Variants in EMC3 observed in about 807,000 individuals in gnomAD.
EMC3 encodes 30 kDa protein.
Under a neutral mutation model 36.6 loss-of-function variants are expected in EMC3, and 13 were observed. The ratio of observed to expected loss-of-function variants is 0.35; its 90% CI spans 0.23 to 0.56. EMC3 has a LOEUF of 0.56. Among genes scored for constraint, EMC3 ranks in the 20% least tolerant of loss-of-function variants. The probability of loss-of-function intolerance (pLI) is 0.84; values close to 1 mark genes in which losing one functional copy is unlikely to be tolerated. For missense variants in EMC3, 220 were observed against 324.5 expected, an observed-to-expected ratio of 0.68 and a Z score of 2.47; for synonymous variants, 120 against 111.9, an observed-to-expected ratio of 1.07 and a Z score of -0.46.
rs2085701254 is a variant in EMC3, at chr3:9,962,860, C to T, written c.*1209G>A. On this transcript the variant is annotated 3_prime_UTR_variant, in exon 8 of 8. Coordinates refer to ENST00000245046, the MANE Select transcript of EMC3 (RefSeq NM_001394674.1). ...TTATCTGTGTGTCTACCAACAACTG[C>T]CGTCTCTCCCTTCTTACAGCAATAT... 1 of 152,172 alleles carries T rather than the reference C, an allele frequency of 6.6e-6. No individual in the cohort carries two copies. The highest frequency in any genetic ancestry group is 2.4e-5 in the African/African-American group (1 of 41,440). The allele number at this position is 152,172 out of a possible 1,614,324, so 9.4% of individuals were successfully genotyped here.
chr3:9,991,575 G>T (rs138213792), upstream of EMC3, among the ~76,000 whole-genome samples: 280 of 152,210 alleles, frequency 1.8e-3, 4 homozygotes, highest in South Asian at 0.019. Flanking sequence ...GAGTGCAGTG[G>T]CACAATCGTA....
chr3:9,990,617 C>A (rs932301920), upstream of EMC3, among the ~76,000 whole-genome samples: 1 of 152,022 alleles, frequency 6.6e-6, no homozygotes, highest in Non-Finnish European at 1.5e-5. Flanking sequence ...TGAAGCAAAT[C>A]TCCTGCCTCA....
At chr3:9,989,716 A>C (rs1193573454), upstream of EMC3, among the ~76,000 whole-genome samples, 2 of 152,210 alleles carry the variant, frequency 1.3e-5, no homozygotes, top group South Asian at 4.1e-4. Context: ...CACAAATTTA[A>C]CACCTTGACT....
chr3:10,011,014 G>A (rs1213039651), intron 1 of EMC3: 4 of 152,430 alleles, frequency 2.6e-5, no homozygotes, highest in Non-Finnish European at 4.4e-5. Context: ...TGCGGGGGGT[G>A]ACCCTCACCT....
At chr3:10,000,703 G>T (rs1443229905) in intron 1 of EMC3, 4 of 474,158 alleles carry the variant, frequency 8.4e-6, no homozygotes, top group South Asian at 1.5e-5. Context: ...TCTTCTTAAT[G>T]CCGGCAAAGA....
chr3:10,007,392 T>TG, intron 1 of EMC3: 1 of 1,366,944 alleles, frequency 7.3e-7, no homozygotes. Flanking sequence ...GGAACCAGAC[T>TG]GTGCTGGGGT....
At chr3:9,991,053 C>T (rs527731598), upstream of EMC3, among the ~76,000 whole-genome samples, 1 of 151,874 alleles carries the variant, frequency 6.6e-6, no homozygotes, top group South Asian at 2.1e-4. Flanking sequence ...TGGTCTCGAT[C>T]TCCTGACCTC....
chr3:9,978,916 A>T (rs761988384), intron 1 of EMC3, among the ~76,000 whole-genome samples: 1 of 152,200 alleles, frequency 6.6e-6, no homozygotes, highest in South Asian at 2.1e-4. Flanking sequence ...TGTTTTAAAC[A>T]GTCAGTACCC....
At chr3:9,981,273 C>T (rs767522866) in intron 1 of EMC3, among the ~76,000 whole-genome samples, 14 of 152,154 alleles carry the variant, frequency 9.2e-5, no homozygotes, top group East Asian at 1.9e-4. Context: ...GTCCAGTCTA[C>T]GATAACTCAA....
intron 1 of EMC3, chr3:9,992,991 A>G (rs2086072945): frequency 1.4e-5 from 22 of 1,550,590 alleles, no homozygotes; most frequent in Non-Finnish European, 2.0e-5. Flanking sequence ...GCTCCAGAGT[A>G]CATTCTCTGT....
chr3:9,988,235 G>A (rs2086002487), upstream of EMC3: 2 of 599,472 alleles, frequency 3.3e-6, no homozygotes, highest in South Asian at 3.7e-5. Context: ...GCAGACTACA[G>A]TGCAAGTTTA....
At chr3:9,977,290 C>T (rs1393326954) in intron 2 of EMC3, 99 bp downstream of exon 2, 5 of 1,179,738 alleles carry the variant, frequency 4.2e-6, no homozygotes, top group Non-Finnish European at 6.0e-6. Context: ...TACTAAGTTG[C>T]CAACCTTTAG....
chr3:9,987,820 C>T (rs1221853376), upstream of EMC3: 103 of 578,650 alleles, frequency 1.8e-4, 1 homozygote, highest in Admixed American at 2.8e-3. Flanking sequence ...CTCAGTCTTT[C>T]AGGAGATTGT....
rs201312322 is a variant in EMC3 at position 9,972,013 on chromosome 3, TC to T, written c.495-1353del. Among the ~76,000 whole-genome samples the T allele has an allele frequency of 5.6e-3, 844 of 151,426 alleles. 7 individuals carry two copies. The highest frequency in any genetic ancestry group is 0.02 in the African/African-American group (806 of 41,260). ...ATTTTAATTTTTCTTATTCTGCCAT[TC>T]AAAAAAAAATAGTGGTATTCAGAAG... On this transcript the variant is annotated intron_variant, in intron 5 of 7. Transcript: ENST00000245046.
chr3:9,992,772 T>G, intron 1 of EMC3: 3 of 758,230 alleles, frequency 4.0e-6, no homozygotes, highest in Non-Finnish European at 6.6e-6. Context: ...GTGGAACAAA[T>G]GAGCATCATC....
At chr3:9,997,707 T>A (rs2086144462) in intron 1 of EMC3, among the ~76,000 whole-genome samples, 1 of 151,206 alleles carries the variant, frequency 6.6e-6, no homozygotes, top group Admixed American at 6.6e-5. Context: ...TAATCCACCC[T>A]CCTCGGCCTC....
intron 1 of EMC3, among the ~76,000 whole-genome samples, chr3:9,995,633 G>T (rs914393902): frequency 6.6e-6 from 1 of 151,326 alleles, no homozygotes; most frequent in Non-Finnish European, 1.5e-5. Context: ...GAAGCAATAT[G>T]TTGGGAAAGA....
At chr3:9,983,370 AC>A (rs1235787218) in intron 1 of EMC3, among the ~76,000 whole-genome samples, 1 of 151,316 alleles carries the variant, frequency 6.6e-6, no homozygotes, top group Non-Finnish European at 1.5e-5. Context: ...CTGGTCTTGA[AC>A]CCCTGACTTT....
intron 1 of EMC3, among the ~76,000 whole-genome samples, chr3:9,984,789 A>G (rs959247755): frequency 3.9e-5 from 6 of 152,218 alleles, no homozygotes; most frequent in African/African-American, 1.4e-4. Context: ...GCTGTAGTAT[A>G]GTGGAAAAAG....
Sources: gnomAD v4.1 joint callset for allele counts (sites outside exome capture counted in the v4.1 genomes callset) on GRCh38, gnomAD v4.1.1 for gene constraint, MANE v1.5 for transcripts, NCBI Gene and HGNC (gene_info 2026-07-23, HGNC 2026-07-21) for gene names.